The following LRP1B variants were observed in gnomAD, a reference collection of about 807,000 sequenced individuals.
LRP1B encodes low-density lipoprotein receptor-related protein 1B.
A neutral mutation model predicts 556.6 loss-of-function variants in LRP1B; 217 were observed. That is an observed-to-expected ratio of 0.39 (90% CI 0.35 to 0.44). LRP1B has a LOEUF of 0.44. LRP1B is among the 20% of genes least tolerant of loss of function. The pLI is 1.00. For synonymous variants in LRP1B, 2,047 were observed against 1,865.8 expected, an observed-to-expected ratio of 1.10 and a Z score of -2.50; for missense variants, 5,053 against 5,620.8, an observed-to-expected ratio of 0.90 and a Z score of 3.23.
chr2:141,074,587 CTCTATA>C (rs1356645453), intron 7 of LRP1B, among the ~76,000 whole-genome samples: 1 of 85,696 alleles, frequency 1.2e-5, no homozygotes, highest in African/African-American at 3.9e-5. Flanking sequence ...CTCTCTCTCT[CTCTATA>C]TATATATATA....
chr2:141,808,831 T>C (rs1034292099), intron 2 of LRP1B, among the ~76,000 whole-genome samples: 9 of 152,116 alleles, frequency 5.9e-5, no homozygotes, highest in African/African-American at 2.2e-4. Context: ...TTGTATAATA[T>C]GAAGGGAATC....
chr2:140,577,800 A>G (rs890479218), intron 43 of LRP1B, among the ~76,000 whole-genome samples: 1 of 152,164 alleles, frequency 6.6e-6, no homozygotes, highest in Non-Finnish European at 1.5e-5. Flanking sequence ...TTTTGATCAA[A>G]ATCAGTTTTT....
intron 1 of LRP1B, among the ~76,000 whole-genome samples, chr2:141,957,656 G>A (rs901141021): frequency 1.3e-5 from 2 of 151,878 alleles, no homozygotes; most frequent in African/African-American, 4.8e-5. Flanking sequence ...TCCAGTTCTT[G>A]TTTTTTACAG....
chr2:140,659,098 G>GTTTTTTTTTTT (rs59651364), intron 41 of LRP1B, among the ~76,000 whole-genome samples: 3 of 61,144 alleles, frequency 4.9e-5, no homozygotes, highest in African/African-American at 6.3e-5. Context: ...CTGTAAATCT[G>GTTTTTTTTTTT]TTTTTTTTTT....
intron 1 of LRP1B, among the ~76,000 whole-genome samples, chr2:141,856,795 T>C (rs1300619423): frequency 6.6e-6 from 1 of 152,110 alleles, no homozygotes; most frequent in Non-Finnish European, 1.5e-5. Context: ...GAAAATCAGA[T>C]CTCGCTCCCC....
chr2:141,534,382 A>C (rs1483139), intron 2 of LRP1B, among the ~76,000 whole-genome samples: 51,717 of 152,028 alleles, frequency 0.34, 9,795 homozygotes, highest in Non-Finnish European at 0.43. Flanking sequence ...TGCGTATCCA[A>C]ATATCAAAAC....
Position 142,130,631 on chromosome 2 carries a change from G to A in LRP1B, c.82+17C>T, listed in dbSNP as rs2105027903. ...CAAGGAAGTCAGGGGAGGGGAGCGG[G>A]GAGGTGTTCTCCTTACCTCGGTCGG... On this transcript the variant is annotated intron_variant, in intron 1 of 90. Transcript: ENST00000389484. 1 of 1,598,640 alleles carries A rather than the reference G, an allele frequency of 6.3e-7. No homozygotes were observed. The highest frequency in any genetic ancestry group is 8.5e-7 in the Non-Finnish European group (1 of 1,169,938).
intron 66 of LRP1B, among the ~76,000 whole-genome samples, chr2:140,392,824 T>C (rs1383415698): frequency 1.3e-5 from 2 of 152,208 alleles, no homozygotes; most frequent in East Asian, 3.8e-4. Context: ...ATGTTTTCTG[T>C]ACCACTTTTT....
chr2:140,925,100 T>G (rs1456019745), intron 20 of LRP1B, among the ~76,000 whole-genome samples: 2 of 152,122 alleles, frequency 1.3e-5, no homozygotes, highest in Non-Finnish European at 2.9e-5. Flanking sequence ...TAAAGTATAT[T>G]ATGGGAGGAT....
chr2:141,285,901 C>T (rs10209157), intron 3 of LRP1B, among the ~76,000 whole-genome samples: 1 of 149,376 alleles, frequency 6.7e-6, no homozygotes, highest in Admixed American at 6.6e-5. Flanking sequence ...CCCGTCTCTA[C>T]TAAAAATACA....
chr2:140,950,611 A>G (rs537779772), intron 19 of LRP1B, among the ~76,000 whole-genome samples: 1 of 152,166 alleles, frequency 6.6e-6, no homozygotes, highest in African/African-American at 2.4e-5. Flanking sequence ...CAGCCTCCCA[A>G]GTAAGTGGGA....
At chr2:141,106,080 A>G (rs78484239) in intron 7 of LRP1B, among the ~76,000 whole-genome samples, 7,400 of 152,262 alleles carry the variant, frequency 0.049, 261 homozygotes, top group Non-Finnish European at 0.071. Context: ...CCACTTTTAA[A>G]AAAATAAAAC....
intron 1 of LRP1B, among the ~76,000 whole-genome samples, chr2:141,875,071 C>A (rs1385209981): frequency 3.3e-5 from 5 of 151,552 alleles, no homozygotes; most frequent in African/African-American, 1.2e-4. Context: ...TATAATATGT[C>A]ATTTTATATA....
intron 67 of LRP1B, among the ~76,000 whole-genome samples, chr2:140,379,840 A>G (rs1683396451): frequency 6.6e-6 from 1 of 152,184 alleles, no homozygotes; most frequent in African/African-American, 2.4e-5. Flanking sequence ...ACAAGGTGCC[A>G]TTTGATAGAA....
chr2:140,445,826 T>C (rs10928748), intron 63 of LRP1B, among the ~76,000 whole-genome samples: 25,706 of 152,106 alleles, frequency 0.17, 2,446 homozygotes, highest in Non-Finnish European at 0.22. Context: ...TTAAATCTAC[T>C]ATGTTGTTTG....
chr2:141,322,026 T>G (rs180817240), intron 3 of LRP1B, among the ~76,000 whole-genome samples: 1 of 152,086 alleles, frequency 6.6e-6, no homozygotes. Flanking sequence ...CAGGAGGCAA[T>G]GGCCCCTTCT....
chr2:141,656,556 C>T (rs570123492), intron 2 of LRP1B, among the ~76,000 whole-genome samples: 3 of 152,046 alleles, frequency 2.0e-5, no homozygotes, highest in Non-Finnish European at 4.4e-5. Context: ...TTGATTTAAA[C>T]GTTGCTAATT....
intron 18 of LRP1B, among the ~76,000 whole-genome samples, chr2:140,973,412 T>C (rs1329790750): frequency 6.6e-6 from 1 of 151,950 alleles, no homozygotes; most frequent in African/African-American, 2.4e-5. Flanking sequence ...AAGTTAAGAA[T>C]TGTAGGAGGA....
At chr2:140,713,961 A>G (rs1430706444) in intron 37 of LRP1B, among the ~76,000 whole-genome samples, 1 of 152,102 alleles carries the variant, frequency 6.6e-6, no homozygotes, top group Non-Finnish European at 1.5e-5. Context: ...TTTTATAGTG[A>G]TCTTATGAAA....
Sources: allele counts gnomAD v4.1 joint callset (sites outside exome capture counted in the v4.1 genomes callset), GRCh38; gene constraint gnomAD v4.1.1; transcripts MANE v1.5; gene names NCBI Gene and HGNC (gene_info 2026-07-23, HGNC 2026-07-21).